Variants in TRDN observed in about 807,000 individuals in gnomAD.
TRDN encodes triadin.
TRDN carries 161 observed loss-of-function variants against 149.7 expected under a neutral mutation model. The observed-to-expected ratio is 1.08, with a 90% CI of 0.95 to 1.23. The LOEUF is 1.23. TRDN is among the 50% of genes most tolerant of loss of function. The probability of loss-of-function intolerance (pLI) is 0.00; values close to 1 mark genes in which losing one functional copy is unlikely to be tolerated. For synonymous variants in TRDN, 294 were observed against 250.5 expected, an observed-to-expected ratio of 1.17 and a Z score of -1.64; for missense variants, 896 against 823.5, an observed-to-expected ratio of 1.09 and a Z score of -1.08.
intron 10 of TRDN, among the ~76,000 whole-genome samples, chr6:123,439,398 T>C (rs1774753846): frequency 6.6e-6 from 1 of 152,230 alleles, no homozygotes; most frequent in Non-Finnish European, 1.5e-5. Flanking sequence ...TTAATATTTG[T>C]TTTCTTTTAT....
Position 123,571,082 on chromosome 6 carries a change from G to T in TRDN, c.73C>A (p.Pro25Thr), listed in dbSNP as rs1007862871. Residue 25 changes from proline (P) to threonine (T), a missense_variant, in exon 2 of 41, where the codon CCC (proline) becomes ACC (threonine). Coordinates refer to ENST00000334268, the MANE Select transcript of TRDN (RefSeq NM_006073.4). ...TVIDSKNGSV[P>T]KSPGKVLKRT... ...TTCAGCACTTTTCCGGGGGATTTGG[G>T]CACAGATCCATTTTTGCTGTCTATC... The T allele has an allele frequency of 3.1e-6, 5 of 1,613,916 alleles. No individual in the cohort carries two copies. The highest frequency in any genetic ancestry group is 3.4e-6 in the Non-Finnish European group (4 of 1,179,852).
At chr6:123,329,826 G>C (rs1779595306) in intron 23 of TRDN, among the ~76,000 whole-genome samples, 1 of 151,766 alleles carries the variant, frequency 6.6e-6, no homozygotes, top group Non-Finnish European at 1.5e-5. Context: ...TAATAAAATG[G>C]GATTTAAAAT....
intron 4 of TRDN, among the ~76,000 whole-genome samples, chr6:123,540,587 T>C (rs770026491): frequency 2.0e-4 from 31 of 152,250 alleles, no homozygotes; most frequent in Admixed American, 4.6e-4. Flanking sequence ...TGGCGCCACC[T>C]GGGCTCACCG....
intron 5 of TRDN, among the ~76,000 whole-genome samples, chr6:123,517,209 C>T (rs1204949863): frequency 6.6e-6 from 1 of 151,932 alleles, no homozygotes; most frequent in Non-Finnish European, 1.5e-5. Context: ...AGGGGAAGAG[C>T]CCTTGGCAGA....
chr6:123,602,538 C>T (rs1034969648), intron 1 of TRDN, among the ~76,000 whole-genome samples: 5 of 152,000 alleles, frequency 3.3e-5, no homozygotes, highest in Non-Finnish European at 7.4e-5. Flanking sequence ...AAGAACTTAT[C>T]TGTGCAACCA....
chr6:123,409,243 G>A (rs554609273), intron 12 of TRDN, among the ~76,000 whole-genome samples: 4 of 152,242 alleles, frequency 2.6e-5, no homozygotes, highest in South Asian at 2.1e-4. Context: ...CAGTACTTAT[G>A]TAGAATATTT....
At chr6:123,307,044 G>A (rs1778636806) in intron 24 of TRDN, among the ~76,000 whole-genome samples, 1 of 151,940 alleles carries the variant, frequency 6.6e-6, no homozygotes, top group South Asian at 2.1e-4. Flanking sequence ...GCTAAAGAGA[G>A]GATTTTTTCT....
At chr6:123,393,103 CCTGAAG>C (rs1772569578) in intron 13 of TRDN, among the ~76,000 whole-genome samples, 1 of 151,906 alleles carries the variant, frequency 6.6e-6, no homozygotes, top group African/African-American at 2.4e-5. Context: ...CTTTAGTTAT[CCTGAAG>C]ATATTTGTAA....
intron 1 of TRDN, among the ~76,000 whole-genome samples, chr6:123,620,761 T>C (rs1785340992): frequency 6.6e-6 from 1 of 152,154 alleles, no homozygotes; most frequent in Admixed American, 6.6e-5. Flanking sequence ...CTTTTAAAGA[T>C]GGGCAATCTT....
chr6:123,400,311 T>G (rs1037093446), intron 12 of TRDN, among the ~76,000 whole-genome samples: 1 of 151,818 alleles, frequency 6.6e-6, no homozygotes, highest in African/African-American at 2.4e-5. Flanking sequence ...GCCTCTAATT[T>G]TGACAGTCCC....
rs572958794 is a variant in TRDN at position 123,633,100 on chromosome 6, A to T, written c.22+3654T>A. Among the ~76,000 whole-genome samples, 172 of 152,176 alleles carry T rather than the reference A, an allele frequency of 1.1e-3. 1 individual carries two copies. Among genetic ancestry groups the T allele is most frequent in the African/African-American group, 3.6e-3 (149 of 41,536 alleles). On this transcript the variant is annotated intron_variant, in intron 1 of 40. Coordinates refer to ENST00000334268, the MANE Select transcript of TRDN (RefSeq NM_006073.4). Reference sequence around the variant, plus strand: ...GTTATGTAATAGTTTATAAGTTGAGAGTTGGATATAAGCTCTTCTAACATT... The same window carrying T: ...GTTATGTAATAGTTTATAAGTTGAGTGTTGGATATAAGCTCTTCTAACATT...
At chr6:123,337,770 G>C in intron 21 of TRDN, 101 bp from the exon 22 acceptor site, 1 of 611,028 alleles carries the variant, frequency 1.6e-6, no homozygotes, top group Non-Finnish European at 2.7e-6. Context: ...AAGATCACAG[G>C]GCATCTGAGT....
chr6:123,489,767 T>A (rs951807662), intron 9 of TRDN, among the ~76,000 whole-genome samples: 3 of 152,174 alleles, frequency 2.0e-5, no homozygotes, highest in African/African-American at 7.2e-5. Flanking sequence ...CCTAGAAAGA[T>A]GATGCAACTG....
chr6:123,512,849 A>G (rs918396324), intron 6 of TRDN, among the ~76,000 whole-genome samples: 5 of 152,174 alleles, frequency 3.3e-5, no homozygotes, highest in African/African-American at 1.2e-4. Flanking sequence ...TTAATTGGGC[A>G]GTTAACAAAG....
intron 1 of TRDN, among the ~76,000 whole-genome samples, chr6:123,585,978 CAGATTGGGTAAT>C (rs1168501032): frequency 2.6e-5 from 4 of 151,920 alleles, no homozygotes; most frequent in African/African-American, 9.7e-5. Flanking sequence ...ATGTCGGGAG[CAGATTGGGTAAT>C]AAAATGTATT....
chr6:123,632,169 T>C (rs1786038733), intron 1 of TRDN, among the ~76,000 whole-genome samples: 2 of 152,128 alleles, frequency 1.3e-5, no homozygotes, highest in African/African-American at 2.4e-5. Context: ...AGGAACTTAT[T>C]TGAAGTAACT....
chr6:123,427,227 T>C (rs1028885241), intron 12 of TRDN, among the ~76,000 whole-genome samples: 1 of 151,466 alleles, frequency 6.6e-6, no homozygotes, highest in Non-Finnish European at 1.5e-5. Context: ...TTATATATAG[T>C]GAACATTTAC....
Position 123,301,347 on chromosome 6 carries a change from T to C in TRDN, c.1510+15110A>G, listed in dbSNP as rs531148595. On this transcript the variant is annotated intron_variant, in intron 24 of 40. Coordinates refer to ENST00000334268, the MANE Select transcript of TRDN (RefSeq NM_006073.4). ...TATCTGTGACACTGTAAATCTTTCT[T>C]TCACGTCCTTGAAATCAAGTTGGCC... 6.6e-5 allele frequency among the ~76,000 whole-genome samples: 10 copies of C among 152,096 alleles called. No homozygotes were observed. The East Asian group carries it at 1.9e-3, about 29-fold the overall frequency.
intron 1 of TRDN, among the ~76,000 whole-genome samples, chr6:123,590,759 T>C (rs1242685209): frequency 1.3e-5 from 2 of 151,812 alleles, no homozygotes; most frequent in African/African-American, 4.9e-5. Context: ...TGAGACTCTG[T>C]CTCAAAAAAA....
Sources: allele counts gnomAD v4.1 joint callset (sites outside exome capture counted in the v4.1 genomes callset), GRCh38; gene constraint gnomAD v4.1.1; transcripts MANE v1.5; gene names NCBI Gene and HGNC (gene_info 2026-07-23, HGNC 2026-07-21).